Variants in CACNA1I observed in about 807,000 individuals in gnomAD.
The protein encoded by CACNA1I is voltage-dependent T-type calcium channel subunit alpha-1I.
In CACNA1I, 74 loss-of-function variants were observed where a neutral mutation model predicts 201.6. That is an observed-to-expected ratio of 0.37 (90% CI 0.30 to 0.45). CACNA1I has a LOEUF of 0.45. Among genes scored for constraint, CACNA1I ranks in the 20% least tolerant of loss-of-function variants. CACNA1I has a pLI of 1.00. For synonymous variants in CACNA1I, 1,431 were observed against 1,345.2 expected (o/e 1.06, Z -1.40); for missense variants, 2,346 against 3,138.1 (o/e 0.75, Z 6.03).
At chr22:39,639,027 C>T (rs1934291086) in intron 5 of CACNA1I, among the ~76,000 whole-genome samples, 1 of 152,150 alleles carries the variant, frequency 6.6e-6, no homozygotes, top group Non-Finnish European at 1.5e-5. Context: ...GTTTGGGGAC[C>T]CCTGCTTTAG....
At position 39,677,907 on chromosome 22, in the gene CACNA1I, C is replaced by T. The variant is rs1254190365; in HGVS notation, c.4934-80C>T. Reference sequence around the variant, plus strand: ...CTAGGGTGTGATGAGGGTTCTGAGGCGAGGCGGGAGGCACCAGGTCAGGGT... The same window carrying T: ...CTAGGGTGTGATGAGGGTTCTGAGGTGAGGCGGGAGGCACCAGGTCAGGGT... On this transcript the variant is annotated intron_variant, in intron 30 of 36. Coordinates refer to ENST00000402142, the MANE Select transcript of CACNA1I (RefSeq NM_021096.4). This position sits in a 1 kb window ranked among gnomAD's most constrained non-coding sequence, Gnocchi z 4.8. 8.9e-6 allele frequency: 13 copies of T among 1,467,250 alleles called. No homozygotes were observed. Among genetic ancestry groups the T allele is most frequent in the East Asian group, 5.0e-5 (2 of 40,106 alleles). The allele number at this position is 1,467,250 out of a possible 1,614,324, so 90.9% of individuals were successfully genotyped here.
At chr22:39,634,288 T>C (rs530394041) in intron 4 of CACNA1I, among the ~76,000 whole-genome samples, 3 of 152,306 alleles carry the variant, frequency 2.0e-5, no homozygotes, top group Admixed American at 6.5e-5. Context: ...AGAAGAACAC[T>C]TGGTACATAA....
intron 33 of CACNA1I, among the ~76,000 whole-genome samples, chr22:39,680,238 G>T (rs763783178): frequency 2.0e-5 from 3 of 152,156 alleles, no homozygotes; most frequent in Non-Finnish European, 4.4e-5. Context: ...GCATCATCCT[G>T]GCACTCAACC....
Position 39,641,095 on chromosome 22 carries a change from C to T in CACNA1I, c.969C>T (p.Tyr323=). Residue 323 remains tyrosine, a synonymous_variant, in exon 6 of 37, where the codon TAC becomes TAT. Transcript: ENST00000402142. The stretch of plus-strand genomic sequence containing the variant: ...TCTGTGTCAACTGGAACCGTTACTA[C>T]AATGTGTGCCGCACGGGCAGCGCCA... ...SGLCVNWNRY[Y]NVCRTGSANP... The T allele has an allele frequency of 6.2e-7, 1 of 1,614,042 alleles. No individual in the cohort carries two copies.
intron 10 of CACNA1I, among the ~76,000 whole-genome samples, chr22:39,652,091 T>C (rs368294674): frequency 4.0e-5 from 6 of 151,352 alleles, no homozygotes; most frequent in African/African-American, 1.5e-4. Context: ...TGGAGTGCAT[T>C]GGTGTGATCT....
At chr22:39,658,749 A>T (rs1934902875) in intron 11 of CACNA1I, among the ~76,000 whole-genome samples, 182 bp from the exon 12 acceptor site, 1 of 152,144 alleles carries the variant, frequency 6.6e-6, no homozygotes. Context: ...TGGTCCATGG[A>T]CTCCAAGTGA....
chr22:39,686,426 C>A lies in CACNA1I; in HGVS notation c.*21C>A. 1 of 1,223,322 alleles carries A rather than the reference C, an allele frequency of 8.2e-7. No homozygotes were observed. Among genetic ancestry groups the A allele is most frequent in the Non-Finnish European group, 1.0e-6 (1 of 976,960 alleles). The allele number at this position is 1,223,322 out of a possible 1,614,324, so 75.8% of individuals were successfully genotyped here. On this transcript the variant is annotated 3_prime_UTR_variant, in exon 37 of 37. Transcript: ENST00000402142. ...GATGAGGGTCGCAGGGGCCCCCGGC[C>A]GCCCACCGCCCGCCCCGTCTCACCT...
At chr22:39,571,206 G>T in intron 1 of CACNA1I, 1 of 590,762 alleles carries the variant, frequency 1.7e-6, no homozygotes, top group Non-Finnish European at 3.0e-6. Flanking sequence ...GGTTCTGGAA[G>T]TTGCTGGTGG....
In CACNA1I at chr22:39,662,731, C is replaced by T. The variant is rs1024605455; in HGVS notation, c.3373-45C>T. The T allele has an allele frequency of 2.9e-6, 4 of 1,374,242 alleles. No individual in the cohort carries two copies. The East Asian group carries it at 7.5e-5, about 26-fold the overall frequency. 85.1% of individuals were successfully genotyped at this position (1,374,242 alleles called of 1,614,324 possible). ...TGGCCGCATGGGCGGAGACCGGCAACCCTGCGCATCGCTGACCCCCGGCGC... is the reference window on the plus strand; with the variant it reads ...TGGCCGCATGGGCGGAGACCGGCAATCCTGCGCATCGCTGACCCCCGGCGC... On this transcript the variant is annotated intron_variant, in intron 17 of 36. Coordinates refer to ENST00000402142, the MANE Select transcript of CACNA1I (RefSeq NM_021096.4).
Position 39,670,246 on chromosome 22 carries a change from T to TGGAG in CACNA1I, c.4387+19_4387+22dup, listed in dbSNP as rs1277778453. ...AAGCGCCGGAGTGAGTGGGTGCCTG[T>TGGAG]GGAGGGCGTGGGCCACCCAGCTCTA... On this transcript the variant is annotated intron_variant, in intron 25 of 36. Transcript: ENST00000402142. The TGGAG allele has an allele frequency of 6.2e-7, 1 of 1,607,240 alleles. No homozygotes were observed. Among genetic ancestry groups the TGGAG allele is most frequent in the African/African-American group, 1.3e-5 (1 of 74,900 alleles).
chr22:39,605,404 G>A (rs1002433498), intron 3 of CACNA1I, among the ~76,000 whole-genome samples: 5 of 152,160 alleles, frequency 3.3e-5, no homozygotes, highest in Admixed American at 1.3e-4. Flanking sequence ...ACATCCAAAT[G>A]CACTAGAAAG....
intron 3 of CACNA1I, among the ~76,000 whole-genome samples, chr22:39,615,092 C>T (rs956285482): frequency 1.3e-5 from 2 of 152,216 alleles, no homozygotes; most frequent in Non-Finnish European, 2.9e-5. Flanking sequence ...TCCTTACCTT[C>T]TCTTTTTGGA....
chr22:39,590,210 C>T (rs1276506024), intron 1 of CACNA1I, among the ~76,000 whole-genome samples: 3 of 152,180 alleles, frequency 2.0e-5, no homozygotes, highest in African/African-American at 7.2e-5. Flanking sequence ...TGACCCTGTC[C>T]CCTTAGTCCA....
intron 3 of CACNA1I, 59 bp downstream of exon 3, chr22:39,600,712 G>C: frequency 1.3e-6 from 2 of 1,513,198 alleles, no homozygotes; most frequent in Non-Finnish European, 1.8e-6. Flanking sequence ...ATAATTGAGA[G>C]AATCCAGGGC....
intron 4 of CACNA1I, among the ~76,000 whole-genome samples, chr22:39,621,500 G>A (rs935195177): frequency 1.3e-5 from 2 of 152,236 alleles, no homozygotes; most frequent in Admixed American, 1.3e-4. Flanking sequence ...GGCCTGGCGG[G>A]GCAGGAGAGG....
intron 10 of CACNA1I, among the ~76,000 whole-genome samples, chr22:39,651,185 G>A (rs1015919605): frequency 2.0e-5 from 3 of 152,142 alleles, no homozygotes; most frequent in Non-Finnish European, 2.9e-5. Context: ...CCAGCTGGGG[G>A]CCAGGTTCGA....
intron 29 of CACNA1I, 80 bp downstream of exon 29, chr22:39,674,113 C>G: frequency 7.5e-7 from 1 of 1,338,208 alleles, no homozygotes; most frequent in Non-Finnish European, 1.1e-6. Context: ...GCCCTGATTT[C>G]CCTTCTCCTC....
Position 39,665,866 on chromosome 22 carries a change from A to T in CACNA1I, c.3979-15A>T. 1 of 1,612,978 alleles carries T rather than the reference A, an allele frequency of 6.2e-7. No individual in the cohort carries two copies. On this transcript the variant is annotated splice_polypyrimidine_tract_variant and intron_variant, in intron 22 of 36. Coordinates refer to ENST00000402142, the MANE Select transcript of CACNA1I (RefSeq NM_021096.4). The surrounding 1 kb of genome is among the most constrained non-coding windows in gnomAD (Gnocchi z 5.5). ...CCTCACCTGTGAGAGCACCAACCTC[A>T]CCCCCTTTCCCCAGCTCTTCAAGGG...
rs117988559 is a variant in CACNA1I, at chr22:39,646,224, C to G, written c.1150-345C>G. ...GTGTCTCTCTGGGCCCCTCCACCTC[C>G]CCTGCCCTTTTCTTTCCCTGTTTCC... On this transcript the variant is annotated intron_variant, in intron 7 of 36. Transcript: ENST00000402142. Among the ~76,000 whole-genome samples the G allele has an allele frequency of 7.4e-3, 1,132 of 152,166 alleles. 8 individuals are homozygous for G. The highest frequency in any genetic ancestry group is 0.027 in the Middle Eastern group (8 of 294).
Sources: allele counts gnomAD v4.1 joint callset (sites outside exome capture counted in the v4.1 genomes callset), GRCh38; gene constraint gnomAD v4.1.1; non-coding constraint Gnocchi (gnomAD v3.1); transcripts MANE v1.5; gene names NCBI Gene and HGNC (gene_info 2026-07-23, HGNC 2026-07-21).